The following RPS6KA3 variants were observed in gnomAD, a reference collection of about 807,000 sequenced individuals.
RPS6KA3 encodes the protein ribosomal protein S6 kinase A3.
A neutral mutation model predicts 67.2 loss-of-function variants in RPS6KA3; 4 were observed. That is an observed-to-expected ratio of 0.06 (90% CI 0.03 to 0.14). The LOEUF is 0.14. RPS6KA3 is among the 10% of genes least tolerant of loss of function. The pLI, the probability that RPS6KA3 is intolerant of heterozygous loss-of-function variation, is 1.00. For synonymous variants in RPS6KA3, 182 were observed against 183.7 expected (o/e 0.99, Z 0.07); for missense variants, 204 against 559.0 (o/e 0.36, Z 6.40).
At chrX:20,195,189 G>A (rs774257014) in intron 4 of RPS6KA3, 44 bp from the exon 5 acceptor site, 3 of 887,295 alleles carry the variant, frequency 3.4e-6, no homozygotes, top group Non-Finnish European at 3.3e-6. Context: ...ATCTTTCAAA[G>A]ATAATCTTCA....
At position 20,180,679 on chromosome X, in the gene RPS6KA3, C is replaced by T. The variant is rs2067821315; in HGVS notation, c.846-3595G>A. Among the ~76,000 whole-genome samples, 3 of 112,335 alleles carry T rather than the reference C, an allele frequency of 2.7e-5. 1 individual carries two copies. The Admixed American group carries it at 2.8e-4, about 11-fold the overall frequency. On this transcript the variant is annotated intron_variant, in intron 10 of 21. Coordinates refer to ENST00000379565, the MANE Select transcript of RPS6KA3 (RefSeq NM_004586.3). ...CATTCTTACAGATAATGTCAACCCA[C>T]TTATAGACATGAAACTCTGCCACTT...
intron 2 of RPS6KA3, among the ~76,000 whole-genome samples, chrX:20,213,734 G>GA (rs939264347): frequency 3.0e-4 from 31 of 102,049 alleles, no homozygotes; most frequent in Non-Finnish European, 4.8e-4. Context: ...ATAAAATAAA[G>GA]AAAAAAAAAA....
Position 20,266,884 on chromosome X carries a change from C to T in RPS6KA3, c.-252G>A. 1.1e-5 allele frequency: 6 copies of T among 530,861 alleles called. No individual in the cohort carries two copies. Among genetic ancestry groups the T allele is most frequent in the Non-Finnish European group, 1.4e-5 (6 of 434,460 alleles). 43.7% of individuals were successfully genotyped at this position (530,861 alleles called of 1,213,427 possible). A position where few individuals can be genotyped will look rare whatever the true frequency, so the allele number is the denominator to read the frequency against. ...GCTGAGCGAGAGCCTCGCGCCTCCG[C>T]TGGGCACCGGGTCTCGCCCCTTTCT... On this transcript the variant is annotated 5_prime_UTR_variant, in exon 1 of 22. Coordinates refer to ENST00000379565, the MANE Select transcript of RPS6KA3 (RefSeq NM_004586.3).
At chrX:20,262,303 A>AC (rs1178174950) in intron 1 of RPS6KA3, among the ~76,000 whole-genome samples, 3 of 112,013 alleles carry the variant, frequency 2.7e-5, no homozygotes, top group African/African-American at 9.7e-5. Flanking sequence ...TCTGCAACTC[A>AC]GACTTCTAGA....
At chrX:20,187,251 C>T (rs903053512) in intron 9 of RPS6KA3, among the ~76,000 whole-genome samples, 1 of 110,328 alleles carries the variant, frequency 9.1e-6, no homozygotes, top group Non-Finnish European at 1.9e-5. Flanking sequence ...CAGAGTCTCG[C>T]TCTGTTGCCC....
chrX:20,252,755 C>T (rs1222750051), intron 1 of RPS6KA3, among the ~76,000 whole-genome samples: 1 of 111,117 alleles, frequency 9.0e-6, no homozygotes, highest in African/African-American at 3.3e-5. Context: ...CAGCTAACAA[C>T]AGGGGAGGGT....
intron 1 of RPS6KA3, among the ~76,000 whole-genome samples, chrX:20,261,137 C>T (rs1447747459): frequency 2.2e-5 from 2 of 92,944 alleles, no homozygotes; most frequent in African/African-American, 4.2e-5. Context: ...GAGGATAGGA[C>T]GAGTGTGGGG....
chrX:20,167,045 G>A (rs1008036363), intron 17 of RPS6KA3, among the ~76,000 whole-genome samples: 2 of 110,518 alleles, frequency 1.8e-5, no homozygotes, highest in African/African-American at 6.6e-5. Context: ...CGATTTTCTC[G>A]AACTCCTGAC....
At chrX:20,229,451 CT>C (rs2069204972) in intron 2 of RPS6KA3, among the ~76,000 whole-genome samples, 1 of 111,799 alleles carries the variant, frequency 8.9e-6, no homozygotes, top group Admixed American at 9.5e-5. Flanking sequence ...AACTCTACCC[CT>C]GGTCCACACC....
At position 20,186,200 on chromosome X, in the gene RPS6KA3, CCAAA is replaced by C. The variant is rs2067976482; in HGVS notation, c.845+92_845+95del. The C allele has an allele frequency of 3.7e-4, 224 of 613,122 alleles. 1 individual carries two copies. In the South Asian group the frequency reaches 4.9e-3, roughly 13 times the overall value. 50.5% of individuals were successfully genotyped at this position (613,122 alleles called of 1,213,427 possible). Reference sequence around the variant, plus strand: ...CAAGTGATCCGTCTTCCTTGCCCTCCCAAAGTGCTGGGATTACAGGCATGAGCCA... The same window carrying C: ...CAAGTGATCCGTCTTCCTTGCCCTCCGTGCTGGGATTACAGGCATGAGCCA... On this transcript the variant is annotated intron_variant, in intron 10 of 21. Coordinates refer to ENST00000379565, the MANE Select transcript of RPS6KA3 (RefSeq NM_004586.3).
chrX:20,246,716 T>C (rs1294379340), intron 1 of RPS6KA3, among the ~76,000 whole-genome samples: 1 of 112,073 alleles, frequency 8.9e-6, no homozygotes. Flanking sequence ...CTAATAAACA[T>C]TATTGATAAC....
intron 1 of RPS6KA3, among the ~76,000 whole-genome samples, chrX:20,237,137 T>C (rs945058081): frequency 6.3e-5 from 7 of 111,773 alleles, no homozygotes; most frequent in Non-Finnish European, 1.3e-4. Context: ...AAACAATCAA[T>C]GTCAGTTAGT....
chrX:20,190,326 A>C (rs970236118), intron 7 of RPS6KA3, among the ~76,000 whole-genome samples: 3 of 112,121 alleles, frequency 2.7e-5, no homozygotes, highest in African/African-American at 9.7e-5. Flanking sequence ...ATTTGGCCTA[A>C]AAATTTAAAT....
chrX:20,256,142 A>C (rs1170627939), intron 1 of RPS6KA3, among the ~76,000 whole-genome samples: 1 of 87,067 alleles, frequency 1.1e-5, no homozygotes, highest in Non-Finnish European at 2.2e-5. Context: ...TAGAGCAAAA[A>C]GCTCTGGGTG....
Position 20,161,701 on chromosome X carries a change from A to G in RPS6KA3, c.1902T>C (p.Gly634=). 1 of 1,174,107 alleles carries G rather than the reference A, an allele frequency of 8.5e-7. No homozygotes were observed. ...CACCACTGAGTGAGAATTTTCCGCTACCTATTCGTGCCAATATTTCCTCTG... is the reference window on the plus strand; with the variant it reads ...CACCACTGAGTGAGAATTTTCCGCTGCCTATTCGTGCCAATATTTCCTCTG... The part of the protein sequence containing the change: ...DTPEEILARI[G]SGKFSLSGGY... The change falls in exon 20 of 22, where the codon GGT becomes GGC. Residue 634 remains glycine (G), a synonymous_variant. Transcript: ENST00000379565.
intron 14 of RPS6KA3, among the ~76,000 whole-genome samples, chrX:20,174,733 T>C (rs2067658495): frequency 1.8e-5 from 2 of 110,586 alleles, no homozygotes; most frequent in South Asian, 7.7e-4. Flanking sequence ...TTCCTAAGAG[T>C]AAAGTTAATG....
intron 2 of RPS6KA3, among the ~76,000 whole-genome samples, chrX:20,224,632 T>C (rs1453754464): frequency 8.9e-6 from 1 of 111,779 alleles, no homozygotes; most frequent in Non-Finnish European, 1.9e-5. Context: ...CATCCATCAA[T>C]AGACAGTGTT....
chrX:20,254,148 A>G (rs757166514), intron 1 of RPS6KA3, among the ~76,000 whole-genome samples: 1 of 112,047 alleles, frequency 8.9e-6, no homozygotes, highest in East Asian at 2.8e-4. Flanking sequence ...TCTTCAAATA[A>G]CATACCTGTA....
intron 11 of RPS6KA3, 145 bp from the exon 12 acceptor site, chrX:20,176,643 G>T (rs746016586): frequency 1.0e-5 from 5 of 480,696 alleles, no homozygotes; most frequent in Non-Finnish European, 1.8e-5. Context: ...CCAGGCTGGA[G>T]CGCAGTGGTG....
Sources: gnomAD v4.1 joint callset for allele counts (sites outside exome capture counted in the v4.1 genomes callset) on GRCh38, gnomAD v4.1.1 for gene constraint, MANE v1.5 for transcripts, NCBI Gene and HGNC (gene_info 2026-07-23, HGNC 2026-07-21) for gene names.